APBB1IP: variants seen among roughly 807,000 people sequenced by gnomAD.
APBB1IP encodes amyloid beta A4 precursor protein-binding family B member 1-interacting protein.
APBB1IP carries 27 observed loss-of-function variants against 64.9 expected under a neutral mutation model. The ratio of observed to expected loss-of-function variants is 0.42; its 90% CI spans 0.31 to 0.57. The LOEUF is 0.57. APBB1IP is among the 20% of genes least tolerant of loss of function. The pLI is 0.20. For missense variants in APBB1IP, 812 were observed against 845.5 expected (o/e 0.96, Z 0.49); for synonymous variants, 392 against 331.0 (o/e 1.18, Z -2.00).
At chr10:26,543,321 G>C (rs1206446317) in intron 11 of APBB1IP, among the ~76,000 whole-genome samples, 2 of 151,922 alleles carry the variant, frequency 1.3e-5, no homozygotes, top group Non-Finnish European at 2.9e-5. Context: ...ACAAACAGTA[G>C]CTGGGCGTGG....
intron 2 of APBB1IP, among the ~76,000 whole-genome samples, chr10:26,476,302 C>T (rs1427094567): frequency 2.6e-5 from 4 of 151,326 alleles, no homozygotes; most frequent in Non-Finnish European, 5.9e-5. Flanking sequence ...TTTTAACTAG[C>T]TGGGCATGGT....
At chr10:26,478,081 A>T (rs567383471) in intron 2 of APBB1IP, among the ~76,000 whole-genome samples, 1 of 152,356 alleles carries the variant, frequency 6.6e-6, no homozygotes, top group South Asian at 2.1e-4. Context: ...ACCGTAGTTG[A>T]TGAGCGGGAA....
intron 14 of APBB1IP, 72 bp from the exon 15 acceptor site, chr10:26,566,889 T>C: frequency 6.9e-7 from 1 of 1,450,624 alleles, no homozygotes. Flanking sequence ...CCCGTCTCCA[T>C]TAATTAATAA....
rs574938558 is a variant in APBB1IP, at chr10:26,541,120, T to C, written c.1045-462T>C. Among the ~76,000 whole-genome samples the C allele has an allele frequency of 2.0e-5, 3 of 152,268 alleles. No homozygotes were observed. The East Asian group carries it at 5.8e-4, about 29-fold the overall frequency. ...TTAGAACAGCAGTATAATCTTTCAC[T>C]CCGTTTCTGGGTCAGTGGCACCGAT... On this transcript the variant is annotated intron_variant, in intron 10 of 14. Transcript: ENST00000376236.
At chr10:26,487,439 T>A (rs2132426843) in intron 2 of APBB1IP, among the ~76,000 whole-genome samples, 1 of 152,252 alleles carries the variant, frequency 6.6e-6, no homozygotes, top group South Asian at 2.1e-4. Flanking sequence ...TGCCCTGAAG[T>A]CAAATGTCTT....
intron 2 of APBB1IP, among the ~76,000 whole-genome samples, chr10:26,488,391 A>G (rs554639587): frequency 5.3e-5 from 8 of 151,990 alleles, no homozygotes; most frequent in Admixed American, 2.6e-4. Context: ...ACGTGCCCCC[A>G]CACCTGGCTA....
intron 11 of APBB1IP, among the ~76,000 whole-genome samples, chr10:26,549,277 T>C (rs1228243792): frequency 6.6e-6 from 1 of 152,226 alleles, no homozygotes; most frequent in Non-Finnish European, 1.5e-5. Flanking sequence ...GATGTTGGCC[T>C]GAAGGTTTTC....
intron 14 of APBB1IP, among the ~76,000 whole-genome samples, chr10:26,563,110 A>C (rs1246753494): frequency 6.6e-6 from 1 of 152,190 alleles, no homozygotes; most frequent in Non-Finnish European, 1.5e-5. Flanking sequence ...TTTTTGAATA[A>C]AATAGGGCAA....
chr10:26,509,262 C>T (rs376473887), intron 6 of APBB1IP, among the ~76,000 whole-genome samples: 1 of 152,076 alleles, frequency 6.6e-6, no homozygotes, highest in South Asian at 2.1e-4. Context: ...AACTATCCAA[C>T]TACAGATGTC....
chr10:26,516,586 GA>G (rs1836334062), intron 8 of APBB1IP, among the ~76,000 whole-genome samples: 1 of 136,124 alleles, frequency 7.3e-6, no homozygotes, highest in African/African-American at 3.0e-5. Flanking sequence ...TCAAGGAGGG[GA>G]AAGAGGGAGG....
chr10:26,564,219 T>G (rs1225230389), intron 14 of APBB1IP, among the ~76,000 whole-genome samples: 4 of 151,702 alleles, frequency 2.6e-5, no homozygotes, highest in Non-Finnish European at 5.9e-5. Flanking sequence ...TAAATTGAAA[T>G]GATAATTATC....
intron 11 of APBB1IP, among the ~76,000 whole-genome samples, chr10:26,541,968 A>G (rs1836702987): frequency 6.6e-6 from 1 of 152,176 alleles, no homozygotes; most frequent in Non-Finnish European, 1.5e-5. Flanking sequence ...AATGTTATCG[A>G]TAAGACTAAA....
At chr10:26,484,210 T>G (rs1835866324) in intron 2 of APBB1IP, among the ~76,000 whole-genome samples, 1 of 152,208 alleles carries the variant, frequency 6.6e-6, no homozygotes, top group Non-Finnish European at 1.5e-5. Context: ...AAACATCAAC[T>G]CTGTAAACCC....
intron 8 of APBB1IP, among the ~76,000 whole-genome samples, chr10:26,525,575 T>C (rs1371594135): frequency 6.6e-6 from 1 of 152,256 alleles, no homozygotes; most frequent in Non-Finnish European, 1.5e-5. Context: ...ATTATCCTCA[T>C]AAAGGCAGCT....
At chr10:26,511,609 A>T in intron 6 of APBB1IP, 138 bp from the exon 7 acceptor site, 1 of 968,730 alleles carries the variant, frequency 1.0e-6, no homozygotes, top group East Asian at 2.6e-5. Context: ...TTGGCATGCA[A>T]GTTAGTTTAG....
At chr10:26,547,665 G>A (rs1024531045) in intron 11 of APBB1IP, among the ~76,000 whole-genome samples, 2 of 151,982 alleles carry the variant, frequency 1.3e-5, no homozygotes, top group Admixed American at 6.6e-5. Context: ...GGCTGGTCTC[G>A]AACCCCTGAC....
chr10:26,482,209 T>C (rs1054424008), intron 2 of APBB1IP, among the ~76,000 whole-genome samples: 8 of 152,232 alleles, frequency 5.3e-5, no homozygotes, highest in African/African-American at 1.9e-4. Context: ...AGTGCAAAGT[T>C]GGTTAAGTTG....
intron 2 of APBB1IP, among the ~76,000 whole-genome samples, chr10:26,489,437 G>T (rs928334305): frequency 6.6e-6 from 1 of 152,212 alleles, no homozygotes; most frequent in Admixed American, 6.5e-5. Flanking sequence ...ATTTCATTAT[G>T]TCAGATTTCC....
chr10:26,566,447 G>T (rs900808535), intron 14 of APBB1IP, among the ~76,000 whole-genome samples: 1 of 152,112 alleles, frequency 6.6e-6, no homozygotes, highest in Non-Finnish European at 1.5e-5. Flanking sequence ...AGGAGAAAAG[G>T]TTTCACCATA....
Sources: gnomAD v4.1 joint callset for allele counts (sites outside exome capture counted in the v4.1 genomes callset) on GRCh38, gnomAD v4.1.1 for gene constraint, MANE v1.5 for transcripts, NCBI Gene and HGNC (gene_info 2026-07-23, HGNC 2026-07-21) for gene names.